The following GNAQ variants were observed in gnomAD, a reference collection of about 807,000 sequenced individuals.
GNAQ encodes the protein guanine nucleotide-binding protein G(q) subunit alpha.
GNAQ carries 8 observed loss-of-function variants against 43.9 expected under a neutral mutation model. That is an observed-to-expected ratio of 0.18 (90% CI 0.11 to 0.33). The LOEUF (loss-of-function observed/expected upper bound fraction) is 0.33, where lower values mean the gene tolerates loss of function less well. GNAQ is among the 10% of genes least tolerant of loss of function. The probability of loss-of-function intolerance (pLI) is 1.00; values close to 1 mark genes in which losing one functional copy is unlikely to be tolerated. For missense variants in GNAQ, 158 were observed against 450.8 expected, an observed-to-expected ratio of 0.35 and a Z score of 5.88; for synonymous variants, 155 against 170.7, an observed-to-expected ratio of 0.91 and a Z score of 0.71.
intron 1 of GNAQ, among the ~76,000 whole-genome samples, chr9:78,022,917 C>T (rs935938215): frequency 1.3e-5 from 2 of 152,180 alleles, no homozygotes; most frequent in Admixed American, 6.5e-5. Flanking sequence ...TTGCCATCAC[C>T]CTTAACTATC....
chr9:77,874,768 G>T (rs1266598529), intron 2 of GNAQ, among the ~76,000 whole-genome samples: 1 of 152,048 alleles, frequency 6.6e-6, no homozygotes, highest in East Asian at 1.9e-4. Context: ...GGGAATACAG[G>T]TGTGTGCCAC....
At chr9:77,973,237 A>G (rs977382071) in intron 1 of GNAQ, among the ~76,000 whole-genome samples, 13 of 152,294 alleles carry the variant, frequency 8.5e-5, no homozygotes, top group Admixed American at 7.2e-4. Context: ...AGAACTCACG[A>G]CATCAGCCCC....
At chr9:78,013,903 A>T (rs1467932601) in intron 1 of GNAQ, among the ~76,000 whole-genome samples, 2 of 152,138 alleles carry the variant, frequency 1.3e-5, no homozygotes, top group Admixed American at 6.5e-5. Context: ...AAAAGCCAAA[A>T]ATGTTTACTA....
intron 1 of GNAQ, among the ~76,000 whole-genome samples, chr9:78,024,041 G>C (rs1823945600): frequency 6.6e-6 from 1 of 151,522 alleles, no homozygotes; most frequent in Non-Finnish European, 1.5e-5. Context: ...TATTTCTAAA[G>C]CAGACATATT....
At chr9:77,876,533 T>A (rs1828127108) in intron 2 of GNAQ, among the ~76,000 whole-genome samples, 1 of 152,262 alleles carries the variant, frequency 6.6e-6, no homozygotes, top group Non-Finnish European at 1.5e-5. Flanking sequence ...GTTGCTGCTG[T>A]TTTAACCCTA....
At chr9:77,728,235 C>T (rs552008504) in intron 6 of GNAQ, among the ~76,000 whole-genome samples, 3 of 152,244 alleles carry the variant, frequency 2.0e-5, no homozygotes, top group Non-Finnish European at 2.9e-5. Flanking sequence ...CCTCGTGATC[C>T]GCCTGCCTCG....
In GNAQ at chr9:77,728,541, G is replaced by A; in HGVS notation, c.862C>T (p.Leu288=). The A allele has an allele frequency of 6.2e-7, 1 of 1,604,908 alleles. No homozygotes were observed. Among genetic ancestry groups the A allele is most frequent in the Non-Finnish European group, 8.5e-7 (1 of 1,172,604 alleles). ...LLEEKIMYSH[L]VDYFPEYDGP... ...TCATATTCTGGGAAGTAGTCGACTAGATGGGAATACATGATTTTCTCCTCT... is the reference window on the plus strand; with the variant it reads ...TCATATTCTGGGAAGTAGTCGACTAAATGGGAATACATGATTTTCTCCTCT... Residue 288 remains leucine, a synonymous_variant, in exon 6 of 7, where the codon CTA becomes TTA. Transcript: ENST00000286548.
chr9:77,772,755 C>T (rs1826246595), intron 5 of GNAQ, among the ~76,000 whole-genome samples: 1 of 152,120 alleles, frequency 6.6e-6, no homozygotes, highest in Non-Finnish European at 1.5e-5. Flanking sequence ...ATGACTAATA[C>T]AAACACTGTA....
intron 5 of GNAQ, among the ~76,000 whole-genome samples, chr9:77,744,006 G>A (rs1434083901): frequency 6.6e-6 from 1 of 152,174 alleles, no homozygotes; most frequent in Non-Finnish European, 1.5e-5. Context: ...AGAGTGCAAG[G>A]AAGAAATCAT....
At chr9:77,723,537 T>G (rs766782823) in intron 6 of GNAQ, among the ~76,000 whole-genome samples, 1 of 152,110 alleles carries the variant, frequency 6.6e-6, no homozygotes, top group African/African-American at 2.4e-5. Context: ...CATCAACAGA[T>G]ACATGGAGAA....
chr9:77,929,583 C>G (rs1829118049), intron 1 of GNAQ, among the ~76,000 whole-genome samples: 1 of 152,074 alleles, frequency 6.6e-6, no homozygotes, highest in South Asian at 2.1e-4. Flanking sequence ...GTAATCCCAG[C>G]ACTGTGGGAC....
At chr9:77,837,574 T>TA (rs1343787152) in intron 2 of GNAQ, among the ~76,000 whole-genome samples, 4 of 151,574 alleles carry the variant, frequency 2.6e-5, no homozygotes, top group Admixed American at 2.0e-4. Flanking sequence ...AGATTTTTTT[T>TA]AAAAAAGCTG....
intron 6 of GNAQ, 110 bp from the exon 7 acceptor site, chr9:77,721,623 C>T: frequency 1.4e-6 from 1 of 700,710 alleles, no homozygotes; most frequent in South Asian, 1.8e-5. Flanking sequence ...TACATCTGCA[C>T]TGCAGATTTG....
chr9:77,765,844 T>C lies in GNAQ; in HGVS notation c.735+28619A>G, dbSNP rs541285426. Among the ~76,000 whole-genome samples, 193 of 152,342 alleles carry C rather than the reference T, an allele frequency of 1.3e-3. 3 individuals carry two copies. The South Asian group carries it at 0.013, about 10-fold the overall frequency. ...TGGAAGGAACCCAAGTGTCCATTGG[T>C]GGATGACTGGATAAACAAAATGTGG... On this transcript the variant is annotated intron_variant, in intron 5 of 6. Coordinates refer to ENST00000286548, the MANE Select transcript of GNAQ (RefSeq NM_002072.5).
intron 1 of GNAQ, among the ~76,000 whole-genome samples, chr9:78,007,291 T>A (rs1222719546): frequency 2.0e-5 from 3 of 152,124 alleles, no homozygotes; most frequent in Non-Finnish European, 4.4e-5. Flanking sequence ...AAAAGCTTTT[T>A]TTTTTTTTGC....
intron 2 of GNAQ, among the ~76,000 whole-genome samples, chr9:77,835,872 C>T (rs1012301239): frequency 6.6e-6 from 1 of 152,108 alleles, no homozygotes; most frequent in African/African-American, 2.4e-5. Context: ...CTTCTCTTGC[C>T]TGTCTTTTAT....
intron 2 of GNAQ, among the ~76,000 whole-genome samples, chr9:77,906,765 T>C (rs946106108): frequency 1.3e-5 from 2 of 152,240 alleles, no homozygotes; most frequent in Non-Finnish European, 1.5e-5. Context: ...AAAATGTTAA[T>C]GTATTTGATT....
intron 2 of GNAQ, among the ~76,000 whole-genome samples, chr9:77,818,446 TA>T (rs758876754): frequency 0.02 from 2,685 of 131,214 alleles, 57 homozygotes; most frequent in African/African-American, 0.058. Context: ...CAATTTTTTG[TA>T]AAAAAAAAAA....
At chr9:77,831,887 G>C (rs1017910676) in intron 2 of GNAQ, among the ~76,000 whole-genome samples, 2 of 152,018 alleles carry the variant, frequency 1.3e-5, no homozygotes, top group African/African-American at 4.8e-5. Flanking sequence ...AGTTTTCTAA[G>C]ACTATCAGAG....
Sources: allele counts gnomAD v4.1 joint callset (sites outside exome capture counted in the v4.1 genomes callset), GRCh38; gene constraint gnomAD v4.1.1; transcripts MANE v1.5; gene names NCBI Gene and HGNC (gene_info 2026-07-23, HGNC 2026-07-21).